The following PCM1 variants were observed in gnomAD, a reference collection of about 807,000 sequenced individuals.
PCM1 encodes the protein pericentriolar material 1.
A neutral mutation model predicts 241.9 loss-of-function variants in PCM1; 157 were observed. The observed-to-expected ratio is 0.65, with a 90% CI of 0.57 to 0.74. The LOEUF (loss-of-function observed/expected upper bound fraction) is 0.74, where lower values mean the gene tolerates loss of function less well. Ranked by LOEUF, PCM1 falls within the 30% of genes least tolerant of loss-of-function variation. PCM1 has a pLI of 0.00. For missense variants in PCM1, 3,478 were observed against 2,360.1 expected, an observed-to-expected ratio of 1.47 and a Z score of -9.81; for synonymous variants, 1,085 against 784.9, an observed-to-expected ratio of 1.38 and a Z score of -6.39.
At chr8:17,952,244 T>G (rs1165909758) in intron 8 of PCM1, among the ~76,000 whole-genome samples, 1 of 150,604 alleles carries the variant, frequency 6.6e-6, no homozygotes, top group Non-Finnish European at 1.5e-5. Context: ...AATAAATAAA[T>G]AAATAAATAA....
At chr8:18,010,722 C>A in intron 32 of PCM1, 54 bp downstream of exon 32, 1 of 1,308,562 alleles carries the variant, frequency 7.6e-7, no homozygotes. Flanking sequence ...GTGGCTCACC[C>A]CCGTAATCGC....
At chr8:17,986,634 C>T (rs1373508674) in intron 26 of PCM1, among the ~76,000 whole-genome samples, 2 of 151,684 alleles carry the variant, frequency 1.3e-5, no homozygotes, top group Non-Finnish European at 3.0e-5. Context: ...AAGCTGTGTC[C>T]TCCAAATAGC....
At position 18,006,636 on chromosome 8, in the gene PCM1, T is replaced by C. The variant is rs371101981; in HGVS notation, c.4962+239T>C. Among the ~76,000 whole-genome samples the C allele has an allele frequency of 9.3e-4, 142 of 152,342 alleles. 1 individual carries two copies. The highest frequency in any genetic ancestry group is 3.1e-3 in the African/African-American group (128 of 41,576). On this transcript the variant is annotated intron_variant, in intron 30 of 38. Coordinates refer to ENST00000325083, the MANE Select transcript of PCM1 (RefSeq NM_006197.4). The stretch of plus-strand genomic sequence containing the variant: ...GGTCATCTCTAAGGCATGTCTCTTA[T>C]AAGCTTTTACTGGTTTGGTTTATCT...
chr8:17,993,951 T>C (rs979437330), intron 29 of PCM1, among the ~76,000 whole-genome samples: 23 of 152,292 alleles, frequency 1.5e-4, no homozygotes, highest in African/African-American at 5.3e-4. Flanking sequence ...GTACATGAAA[T>C]AGTTTGATAC....
intron 23 of PCM1, among the ~76,000 whole-genome samples, chr8:17,979,527 C>T (rs1310004250): frequency 6.6e-6 from 1 of 152,118 alleles, no homozygotes; most frequent in African/African-American, 2.4e-5. Context: ...GAACGCTCTT[C>T]TCATAGTAGT....
chr8:17,958,659 G>A (rs148841804), intron 13 of PCM1, among the ~76,000 whole-genome samples: 6 of 152,206 alleles, frequency 3.9e-5, no homozygotes, highest in African/African-American at 1.4e-4. Flanking sequence ...GAAATGCTAT[G>A]TACTTTGAAT....
chr8:17,947,308 A>G lies in PCM1; in HGVS notation c.906A>G (p.Ala302=). The G allele has an allele frequency of 6.2e-7, 1 of 1,612,908 alleles. No homozygotes were observed. Among genetic ancestry groups the G allele is most frequent in the East Asian group, 2.2e-5 (1 of 44,860 alleles). Residue 302 remains alanine, a synonymous_variant, in exon 7 of 39, where the codon GCA becomes GCG. Coordinates refer to ENST00000325083, the MANE Select transcript of PCM1 (RefSeq NM_006197.4). ...GAGCTCTACAGGGACGGCAGGCTGC[A>G]CTTCTAGCTCTGCAACATAAAGCAG... is the stretch of plus-strand genomic sequence containing the variant. ...QLRALQGRQA[A]LLALQHKAEQ...
chr8:17,960,497 G>T (rs923820003), intron 15 of PCM1, 53 bp downstream of exon 15: 4 of 1,433,362 alleles, frequency 2.8e-6, no homozygotes, highest in Admixed American at 2.3e-5. Flanking sequence ...TAAAACCTTA[G>T]GTCAACTGAA....
rs1384691304 is a variant in PCM1 at position 17,963,177 on chromosome 8, T to A, written c.2540T>A (p.Met847Lys). ...AGAAGAAAGCAGCTTGAAGCTCTGA[T>A]GGCTGAACATCAGAGGAGGCAAGGT... ...RQRRKQLEALMAEHQRRQGLA... is the reference protein window; with the variant it reads ...RQRRKQLEALKAEHQRRQGLA... Residue 847 changes from methionine to lysine, a missense_variant, in exon 17 of 39, where the codon ATG (methionine) becomes AAG (lysine). Transcript: ENST00000325083. 1 of 1,613,786 alleles carries A rather than the reference T, an allele frequency of 6.2e-7. No individual in the cohort carries two copies. Among genetic ancestry groups the A allele is most frequent in the Admixed American group, 1.7e-5 (1 of 60,024 alleles).
intron 25 of PCM1, 50 bp from the exon 26 acceptor site, chr8:17,985,909 G>T (rs760209428): frequency 8.3e-7 from 1 of 1,208,648 alleles, no homozygotes; most frequent in South Asian, 1.7e-5. Context: ...ATAAATGAAT[G>T]ATTAAGCATG....
Position 18,011,838 on chromosome 8 carries a change from A to G in PCM1, c.5511+11A>G. The G allele has an allele frequency of 6.2e-7, 1 of 1,606,352 alleles. No homozygotes were observed. Among genetic ancestry groups the G allele is most frequent in the South Asian group, 1.1e-5 (1 of 88,986 alleles). ...GAACATGATGAACAGGTATTCCCGTATTGACTGACACACTTCCATCAGCCT... is the reference window on the plus strand; with the variant it reads ...GAACATGATGAACAGGTATTCCCGTGTTGACTGACACACTTCCATCAGCCT... On this transcript the variant is annotated intron_variant, in intron 34 of 38. Transcript: ENST00000325083.
chr8:17,968,435 A>G lies in PCM1; in HGVS notation c.3413-1142A>G, dbSNP rs1392695743. Among the ~76,000 whole-genome samples, 4 of 152,226 alleles carry G rather than the reference A, an allele frequency of 2.6e-5. No homozygotes were observed. In the South Asian group the frequency reaches 8.3e-4, roughly 31 times the overall value. On this transcript the variant is annotated intron_variant, in intron 21 of 38. Transcript: ENST00000325083. Reference sequence around the variant, plus strand: ...TTTAGCTGGTGAACAGAAGGCTGTCATAATAATATGGAAAGAATGATAGCT... The same window carrying G: ...TTTAGCTGGTGAACAGAAGGCTGTCGTAATAATATGGAAAGAATGATAGCT...
chr8:18,013,371 C>G (rs1051633560), intron 34 of PCM1, among the ~76,000 whole-genome samples: 1 of 152,214 alleles, frequency 6.6e-6, no homozygotes, highest in Non-Finnish European at 1.5e-5. Context: ...TCATTTGTGT[C>G]TCCACCTCTA....
At chr8:18,010,986 G>A (rs913373666) in intron 32 of PCM1, among the ~76,000 whole-genome samples, 1 of 152,210 alleles carries the variant, frequency 6.6e-6, no homozygotes, top group Non-Finnish European at 1.5e-5. Flanking sequence ...AAAATAAAAA[G>A]CCTACAAATA....
chr8:17,938,418 A>G (rs1386584904), intron 4 of PCM1, among the ~76,000 whole-genome samples: 1 of 152,098 alleles, frequency 6.6e-6, no homozygotes, highest in African/African-American at 2.4e-5. Flanking sequence ...CCAAAATTTG[A>G]AAAAAAATGA....
chr8:17,925,551 A>C (rs537694860), intron 2 of PCM1: 1 of 152,324 alleles, frequency 6.6e-6, no homozygotes, highest in Non-Finnish European at 1.5e-5. Context: ...GTTTTGTAGA[A>C]ATTGGCTGGG....
chr8:17,962,252 AGAAAG>A, intron 16 of PCM1, 78 bp downstream of exon 16: 2 of 1,274,112 alleles, frequency 1.6e-6, no homozygotes, highest in Non-Finnish European at 2.2e-6. Flanking sequence ...GCACATCTCA[AGAAAG>A]GAAACTGAAT....
chr8:18,022,787 C>A (rs1302087269), intron 36 of PCM1, among the ~76,000 whole-genome samples: 1 of 152,170 alleles, frequency 6.6e-6, no homozygotes. Flanking sequence ...ATCAGAACTT[C>A]ACCATGATAC....
intron 2 of PCM1, among the ~76,000 whole-genome samples, chr8:17,934,173 T>C (rs993079657): frequency 6.6e-6 from 1 of 152,172 alleles, no homozygotes; most frequent in African/African-American, 2.4e-5. Flanking sequence ...GATAATCCTT[T>C]TGATATTTTT....
Sources: allele counts gnomAD v4.1 joint callset (sites outside exome capture counted in the v4.1 genomes callset), GRCh38; gene constraint gnomAD v4.1.1; transcripts MANE v1.5; gene names NCBI Gene and HGNC (gene_info 2026-07-23, HGNC 2026-07-21).